Variants in NUCB1 observed in about 807,000 individuals in gnomAD.
NUCB1 encodes the protein nucleobindin-1.
A neutral mutation model predicts 61.2 loss-of-function variants in NUCB1; 47 were observed. The observed-to-expected ratio is 0.77, with a 90% CI of 0.61 to 0.98. The LOEUF is 0.98. Ranked by LOEUF, NUCB1 falls within the 50% of genes least tolerant of loss-of-function variation. The pLI is 0.00. For synonymous variants in NUCB1, 234 were observed against 243.1 expected (o/e 0.96, Z 0.35); for missense variants, 583 against 605.3 (o/e 0.96, Z 0.39).
intron 2 of NUCB1, among the ~76,000 whole-genome samples, chr19:48,904,044 T>C (rs2037386206): frequency 6.6e-6 from 1 of 150,962 alleles, no homozygotes; most frequent in Non-Finnish European, 1.5e-5. Context: ...TATGGATGGA[T>C]GGGTGGGTGG....
chr19:48,913,185 G>A lies in NUCB1; in HGVS notation c.655G>A (p.Val219Ile), dbSNP rs1165716738. ...GCGCCGGCACCGCGAGCACCCTAAA[G>A]TCAACGTGCCTGTGAGGACCCCATT... ...QQRRHREHPK[V>I]NVPGSQAQLK... Residue 219 changes from valine to isoleucine, a missense_variant, in exon 6 of 13, where the codon GTC (valine) becomes ATC (isoleucine). Val to Ile is a conservative substitution (Grantham distance 29). Transcript: ENST00000405315. The A allele has an allele frequency of 9.9e-6, 16 of 1,612,270 alleles. No homozygotes were observed. Among genetic ancestry groups the A allele is most frequent in the Non-Finnish European group, 1.4e-5 (16 of 1,179,370 alleles).
chr19:48,909,331 T>A (rs2037447869), intron 4 of NUCB1, among the ~76,000 whole-genome samples: 1 of 151,890 alleles, frequency 6.6e-6, no homozygotes, highest in Non-Finnish European at 1.5e-5. Flanking sequence ...CACTGCAACC[T>A]CTGCCTCCCA....
At chr19:48,920,476 AC>A (rs2037596530) in intron 10 of NUCB1, among the ~76,000 whole-genome samples, 1 of 151,990 alleles carries the variant, frequency 6.6e-6, no homozygotes, top group African/African-American at 2.4e-5. Flanking sequence ...ACAGGCACAT[AC>A]CACCATGCCC....
chr19:48,921,390 G>T (rs2037608694), intron 11 of NUCB1, 66 bp downstream of exon 11: 1 of 1,523,384 alleles, frequency 6.6e-7, no homozygotes, highest in East Asian at 2.5e-5. Context: ...GTCCCCATGG[G>T]TGTCCAGAAG....
intron 2 of NUCB1, among the ~76,000 whole-genome samples, chr19:48,902,295 G>C (rs2037360138): frequency 6.6e-6 from 1 of 151,954 alleles, no homozygotes; most frequent in African/African-American, 2.4e-5. Context: ...ATTTTTAGTA[G>C]AGACGGAGTT....
At chr19:48,914,015 T>C (rs1418206160) in intron 7 of NUCB1, among the ~76,000 whole-genome samples, 1 of 150,266 alleles carries the variant, frequency 6.7e-6, no homozygotes, top group Non-Finnish European at 1.5e-5. Flanking sequence ...TTGCCCAGGC[T>C]GGAGTGCAGT....
Position 48,921,098 on chromosome 19 carries a change from A to G in NUCB1, c.1003-56A>G, listed in dbSNP as rs373262916. 5.6e-4 allele frequency: 856 copies of G among 1,537,126 alleles called. 2 individuals carry two copies. In the African/African-American group the frequency reaches 0.011, roughly 19 times the overall value. ...CCCCATTGGCACAACCCTCTCCAAC[A>G]TGGGTGGGCCGAGGTTGGACCTGTG... On this transcript the variant is annotated intron_variant, in intron 10 of 12. Coordinates refer to ENST00000405315, the MANE Select transcript of NUCB1 (RefSeq NM_006184.6).
intron 10 of NUCB1, among the ~76,000 whole-genome samples, chr19:48,920,608 C>T (rs897359335): frequency 4.0e-5 from 6 of 151,734 alleles, no homozygotes; most frequent in Non-Finnish European, 7.4e-5. Flanking sequence ...ATTGCAACCT[C>T]CACCTCCCAG....
intron 10 of NUCB1, 109 bp from the exon 11 acceptor site, chr19:48,921,045 C>A: frequency 8.0e-7 from 1 of 1,255,266 alleles, no homozygotes; most frequent in Non-Finnish European, 1.1e-6. Flanking sequence ...CCCACATGGC[C>A]CTGGCCTCCC....
At chr19:48,911,057 G>A (rs761204635) in intron 4 of NUCB1, 92 bp from the exon 5 acceptor site, 80 of 890,726 alleles carry the variant, frequency 9.0e-5, no homozygotes, top group Non-Finnish European at 1.4e-4. Context: ...CTTCCCTAGT[G>A]CTGTCCGTGA....
chr19:48,918,672 T>C, intron 7 of NUCB1, 54 bp from the exon 8 acceptor site: 1 of 1,487,728 alleles, frequency 6.7e-7, no homozygotes, highest in Non-Finnish European at 9.4e-7. Flanking sequence ...ACCAGGGACC[T>C]TACACATCCC....
intron 1 of NUCB1, 183 bp downstream of exon 1, chr19:48,900,555 G>C: frequency 1.7e-6 from 1 of 580,970 alleles, no homozygotes; most frequent in Non-Finnish European, 3.0e-6. Flanking sequence ...GGATTCCTGA[G>C]TGTGAGAGAG....
chr19:48,916,890 T>TA (rs1056364409), intron 7 of NUCB1, among the ~76,000 whole-genome samples: 12 of 152,070 alleles, frequency 7.9e-5, no homozygotes, highest in African/African-American at 2.7e-4. Context: ...CACTCCAGCC[T>TA]GGCAACAGAG....
chr19:48,915,749 T>C (rs779303655), intron 7 of NUCB1, among the ~76,000 whole-genome samples: 20 of 151,784 alleles, frequency 1.3e-4, no homozygotes, highest in South Asian at 8.3e-4. Context: ...GATCCACCTA[T>C]CTTGGCCTCC....
intron 7 of NUCB1, 98 bp from the exon 8 acceptor site, chr19:48,918,628 G>T (rs779998493): frequency 1.1e-6 from 1 of 928,754 alleles, no homozygotes; most frequent in Admixed American, 1.7e-5. Flanking sequence ...CCTGTCCTCT[G>T]ATAACAGACC....
intron 10 of NUCB1, 42 bp downstream of exon 10, chr19:48,919,328 C>T (rs1600068097): frequency 6.9e-7 from 1 of 1,456,970 alleles, no homozygotes; most frequent in Admixed American, 1.7e-5. Context: ...ACCTCTCTCT[C>T]TTCTAGCCAT....
At chr19:48,911,920 G>A (rs1421331623) in intron 5 of NUCB1, among the ~76,000 whole-genome samples, 1 of 151,830 alleles carries the variant, frequency 6.6e-6, no homozygotes, top group African/African-American at 2.4e-5. Context: ...CTTGCCCAGT[G>A]TCACAGAGCT....
chr19:48,913,375 G>C, intron 6 of NUCB1, 99 bp from the exon 7 acceptor site: 1 of 1,258,908 alleles, frequency 7.9e-7, no homozygotes, highest in Non-Finnish European at 1.1e-6. Flanking sequence ...TCTTGCTTGA[G>C]GGAGATGATG....
At position 48,912,987 on chromosome 19, in the gene NUCB1, G is replaced by T; in HGVS notation, c.481-24G>T. ...GGGGCTGGGCAGAGGGGGCAGAGGG[G>T]AATGACCCTGTGCCTTTCCCCAGGC... is the stretch of plus-strand genomic sequence containing the variant. On this transcript the variant is annotated intron_variant, in intron 5 of 12. Coordinates refer to ENST00000405315, the MANE Select transcript of NUCB1 (RefSeq NM_006184.6). 2.5e-6 allele frequency: 4 copies of T among 1,573,266 alleles called. No individual in the cohort carries two copies. In the South Asian group the frequency reaches 3.4e-5, roughly 14 times the overall value.
Sources: allele counts gnomAD v4.1 joint callset (sites outside exome capture counted in the v4.1 genomes callset), GRCh38; gene constraint gnomAD v4.1.1; transcripts MANE v1.5; gene names NCBI Gene and HGNC (gene_info 2026-07-23, HGNC 2026-07-21).